RASGRP3: variants seen among roughly 807,000 people sequenced by gnomAD.
RASGRP3 encodes ras guanyl-releasing protein 3.
A neutral mutation model predicts 82.7 loss-of-function variants in RASGRP3; 54 were observed. The observed-to-expected ratio is 0.65, with a 90% CI of 0.52 to 0.82. The LOEUF is 0.82. RASGRP3 is among the 40% of genes least tolerant of loss of function. The pLI is 0.00. For synonymous variants in RASGRP3, 309 were observed against 300.5 expected (o/e 1.03, Z -0.29); for missense variants, 861 against 828.9 (o/e 1.04, Z -0.48).
At chr2:33,489,311 T>G (rs1349458788) in intron 1 of RASGRP3, among the ~76,000 whole-genome samples, 2 of 152,228 alleles carry the variant, frequency 1.3e-5, no homozygotes, top group African/African-American at 4.8e-5. Context: ...TTTGCTTGTC[T>G]GCTGCTGAGC....
chr2:33,461,901 C>G (rs981389792), intron 2 of RASGRP3, among the ~76,000 whole-genome samples: 10 of 152,272 alleles, frequency 6.6e-5, no homozygotes, highest in African/African-American at 2.4e-4. Context: ...AAGCCCAGGC[C>G]TCACGAGGTT....
chr2:33,519,382 C>T (rs1187694364), intron 4 of RASGRP3, among the ~76,000 whole-genome samples: 3 of 152,212 alleles, frequency 2.0e-5, no homozygotes, highest in Non-Finnish European at 2.9e-5. Context: ...TTTGGGAGGC[C>T]GAGGTGGGCG....
intron 1 of RASGRP3, among the ~76,000 whole-genome samples, chr2:33,477,837 C>A (rs1484578627): frequency 6.6e-6 from 1 of 152,124 alleles, no homozygotes; most frequent in Non-Finnish European, 1.5e-5. Flanking sequence ...CTGGAGATCG[C>A]GTGGATCTTG....
intron 2 of RASGRP3, among the ~76,000 whole-genome samples, chr2:33,452,325 G>A (rs1041378838): frequency 8.5e-5 from 13 of 152,152 alleles, no homozygotes; most frequent in Admixed American, 4.6e-4. Context: ...CTATGCATAT[G>A]AAGAAGTAAG....
chr2:33,549,481 A>T, intron 13 of RASGRP3, 123 bp from the exon 14 acceptor site: 1 of 903,532 alleles, frequency 1.1e-6, no homozygotes. Context: ...GATGTAATAG[A>T]GAAGTGAATG....
At chr2:33,526,675 T>G (rs1282542646) in intron 9 of RASGRP3, among the ~76,000 whole-genome samples, 5 of 152,170 alleles carry the variant, frequency 3.3e-5, no homozygotes, top group Admixed American at 3.3e-4. Flanking sequence ...CCCTTCTAGT[T>G]AGGCAGAATA....
intron 15 of RASGRP3, 75 bp downstream of exon 15, chr2:33,555,642 T>C: frequency 7.9e-7 from 1 of 1,264,220 alleles, no homozygotes; most frequent in Non-Finnish European, 1.1e-6. Flanking sequence ...CTGGTTAAAC[T>C]ACAAAAGCTC....
In RASGRP3 at chr2:33,522,085, T is replaced by A; in HGVS notation, c.499T>A (p.Ser167Thr). 1 of 1,607,972 alleles carries A rather than the reference T, an allele frequency of 6.2e-7. No individual in the cohort carries two copies. The highest frequency in any genetic ancestry group is 2.2e-5 in the East Asian group (1 of 44,872). The change falls in exon 7 of 18, where the codon TCT becomes ACT. Residue 167 changes from serine to threonine, a missense_variant. By Grantham distance (58) the Ser-to-Thr change is moderately conservative. Coordinates refer to ENST00000403687, the MANE Select transcript of RASGRP3 (RefSeq NM_001139488.2). ...GCACCTCACTTTTCTGGAGCATAAA[T>A]CTTTTAGAAGGATCTCAGTAAGAAA... The part of the protein sequence containing the change: ...AEHLTFLEHK[S>T]FRRISFTDYQ...
At chr2:33,496,257 G>C (rs1272299921) in intron 1 of RASGRP3, among the ~76,000 whole-genome samples, 1 of 152,288 alleles carries the variant, frequency 6.6e-6, no homozygotes, top group South Asian at 2.1e-4. Context: ...AGTTTAAAAA[G>C]CAAGGCATTT....
intron 1 of RASGRP3, among the ~76,000 whole-genome samples, chr2:33,504,512 C>T (rs1670174187): frequency 1.3e-5 from 2 of 152,240 alleles, no homozygotes; most frequent in Non-Finnish European, 1.5e-5. Flanking sequence ...AAACTAATGC[C>T]TTTCTCTGAA....
At position 33,560,989 on chromosome 2, in the gene RASGRP3, T is replaced by A. The variant is rs149410329; in HGVS notation, c.2065-1740T>A. ...ACAAGTATCTGGGTTTTTAAAAAAA[T>A]TTAATTTTGTTTCCTGGAAATTGAA... On this transcript the variant is annotated intron_variant, in intron 17 of 17. Coordinates refer to ENST00000403687, the MANE Select transcript of RASGRP3 (RefSeq NM_001139488.2). Among the ~76,000 whole-genome samples the A allele has an allele frequency of 9.2e-5, 14 of 152,276 alleles. No individual in the cohort carries two copies. In the East Asian group the frequency reaches 2.3e-3, roughly 25 times the overall value.
intron 2 of RASGRP3, among the ~76,000 whole-genome samples, chr2:33,467,556 C>G (rs1056971763): frequency 2.0e-5 from 3 of 152,290 alleles, no homozygotes; most frequent in African/African-American, 7.2e-5. Flanking sequence ...ATGTTGCATA[C>G]AAAGTCTCCT....
intron 14 of RASGRP3, among the ~76,000 whole-genome samples, chr2:33,553,392 A>G (rs1675566927): frequency 6.6e-6 from 1 of 152,232 alleles, no homozygotes; most frequent in Non-Finnish European, 1.5e-5. Flanking sequence ...ATAAGCTAAT[A>G]TGTATAAAGA....
At chr2:33,436,614 T>A (rs1398915194) in intron 1 of RASGRP3, 2 of 152,174 alleles carry the variant, frequency 1.3e-5, no homozygotes, top group Non-Finnish European at 1.5e-5. Context: ...TAAAAATCTG[T>A]CTGTTGTTGC....
At chr2:33,452,797 G>A (rs556328115) in intron 2 of RASGRP3, among the ~76,000 whole-genome samples, 1 of 152,144 alleles carries the variant, frequency 6.6e-6, no homozygotes, top group South Asian at 2.1e-4. Flanking sequence ...GTATTGGTGT[G>A]GTGCTTGAAT....
chr2:33,456,297 G>C (rs2150891308), intron 2 of RASGRP3, among the ~76,000 whole-genome samples: 1 of 151,114 alleles, frequency 6.6e-6, no homozygotes, highest in Admixed American at 6.6e-5. Context: ...GGTGAGTTTA[G>C]ACCATCTACA....
intron 11 of RASGRP3, among the ~76,000 whole-genome samples, chr2:33,536,874 C>T (rs1673666223): frequency 6.6e-6 from 1 of 152,156 alleles, no homozygotes; most frequent in Admixed American, 6.5e-5. Context: ...GGGGAGAGTG[C>T]TTTTGGGCTC....
In RASGRP3 at chr2:33,454,515, A is replaced by G. The variant is rs190256400; in HGVS notation, c.-261+6572A>G. On this transcript the variant is annotated intron_variant, in intron 2 of 18. Transcript: ENST00000402538. ...GAATATTATAAAAAGCAATGAGTGT[A>G]TTATAAAGATTTTGAGCTTCCAGCT... 1.6e-3 allele frequency among the ~76,000 whole-genome samples: 248 copies of G among 152,338 alleles called. 1 individual carries two copies. The highest frequency in any genetic ancestry group is 5.6e-3 in the African/African-American group (234 of 41,584).
chr2:33,464,110 AATTATTATT>A (rs70938402), intron 2 of RASGRP3, among the ~76,000 whole-genome samples: 10 of 144,264 alleles, frequency 6.9e-5, no homozygotes, highest in Admixed American at 6.2e-4. Context: ...TAATAATAAT[AATTATTATT>A]ATTATTATTA....
Sources: allele counts gnomAD v4.1 joint callset (sites outside exome capture counted in the v4.1 genomes callset), GRCh38; gene constraint gnomAD v4.1.1; transcripts MANE v1.5; gene names NCBI Gene and HGNC (gene_info 2026-07-23, HGNC 2026-07-21).